HMCN1: variants seen among roughly 807,000 people sequenced by gnomAD.
HMCN1 encodes the protein hemicentin 1.
In HMCN1, 321 loss-of-function variants were observed where a neutral mutation model predicts 625.9. That is an observed-to-expected ratio of 0.51 (90% CI 0.47 to 0.56). HMCN1 has a LOEUF of 0.56. Ranked by LOEUF, HMCN1 falls within the 20% of genes least tolerant of loss-of-function variation. The pLI, the probability that HMCN1 is intolerant of heterozygous loss-of-function variation, is 0.00. For synonymous variants in HMCN1, 2,425 were observed against 2,417.6 expected, an observed-to-expected ratio of 1.00 and a Z score of -0.09; for missense variants, 6,588 against 6,887.3, an observed-to-expected ratio of 0.96 and a Z score of 1.54.
chr1:185,899,640 A>T (rs1665691398), intron 4 of HMCN1, among the ~76,000 whole-genome samples: 1 of 152,154 alleles, frequency 6.6e-6, no homozygotes, highest in Non-Finnish European at 1.5e-5. Context: ...TCTTTTGCTG[A>T]GACTTCTCTC....
At chr1:186,051,111 A>G (rs1012810283) in intron 42 of HMCN1, among the ~76,000 whole-genome samples, 6 of 151,968 alleles carry the variant, frequency 3.9e-5, no homozygotes, top group Non-Finnish European at 5.9e-5. Flanking sequence ...GAGAGAGGAG[A>G]TGGTAGATAA....
At chr1:185,756,215 G>A (rs1655124274) in intron 1 of HMCN1, among the ~76,000 whole-genome samples, 1 of 152,146 alleles carries the variant, frequency 6.6e-6, no homozygotes. Context: ...AGAGACAGTT[G>A]TTAAAGGCTG....
At chr1:185,799,018 A>C (rs1382107020) in intron 1 of HMCN1, among the ~76,000 whole-genome samples, 1 of 152,098 alleles carries the variant, frequency 6.6e-6, no homozygotes, top group Non-Finnish European at 1.5e-5. Context: ...TTGGAATTTA[A>C]TTTCATTTGG....
chr1:186,049,639 A>G (rs1423831506), intron 42 of HMCN1, among the ~76,000 whole-genome samples: 1 of 151,922 alleles, frequency 6.6e-6, no homozygotes, highest in East Asian at 1.9e-4. Flanking sequence ...ATAACTTAAT[A>G]AGCCCTCTTC....
chr1:185,858,987 A>G (rs1662685422), intron 2 of HMCN1, among the ~76,000 whole-genome samples: 1 of 151,630 alleles, frequency 6.6e-6, no homozygotes, highest in Non-Finnish European at 1.5e-5. Flanking sequence ...ATGATTTGAG[A>G]GAAACACTAT....
At chr1:186,181,026 AC>A (rs1393144008) in intron 104 of HMCN1, among the ~76,000 whole-genome samples, 1 of 152,198 alleles carries the variant, frequency 6.6e-6, no homozygotes, top group Non-Finnish European at 1.5e-5. Context: ...CTAAAGCATA[AC>A]AGGAAAAATG....
chr1:185,997,511 A>T lies in HMCN1; in HGVS notation c.3861A>T (p.Pro1287=). Residue 1287 remains proline, a synonymous_variant, in exon 25 of 107, where the codon CCA becomes CCT. Coordinates refer to ENST00000271588, the MANE Select transcript of HMCN1 (RefSeq NM_031935.3). ...ERVANQRIEF[P]CPAKGTPKPT... ...TGGCCAATCAACGCATTGAATTTCC[A>T]TGTCCTGCAAAAGGTACGTAATACT... The T allele has an allele frequency of 6.2e-7, 1 of 1,607,378 alleles. No homozygotes were observed. Among genetic ancestry groups the T allele is most frequent in the Non-Finnish European group, 8.5e-7 (1 of 1,174,374 alleles).
rs1663135461 is a variant in HMCN1, at chr1:185,865,627, A to ACATT, written c.499-112_499-111insTTCA. On this transcript the variant is annotated intron_variant, in intron 3 of 106. Transcript: ENST00000271588. ...CACACACACACACACACACACACAC[A>ACATT]CACATTCACATATTCTACTTGCCCA... 4.0e-6 allele frequency: 3 copies of ACATT among 752,880 alleles called. No homozygotes were observed. The East Asian group carries it at 8.2e-5, about 21-fold the overall frequency. 46.6% of individuals were successfully genotyped at this position (752,880 alleles called of 1,614,324 possible).
intron 99 of HMCN1, 94 bp from the exon 100 acceptor site, chr1:186,166,714 G>C: frequency 6.4e-7 from 1 of 1,564,014 alleles, no homozygotes; most frequent in Admixed American, 1.7e-5. Flanking sequence ...AGTTTCAAGG[G>C]TCCTTCACTG....
At chr1:185,769,396 A>G (rs960385421) in intron 1 of HMCN1, among the ~76,000 whole-genome samples, 3 of 152,144 alleles carry the variant, frequency 2.0e-5, no homozygotes. Context: ...GCAGTGAGCC[A>G]TGACTGTGCC....
intron 1 of HMCN1, among the ~76,000 whole-genome samples, chr1:185,828,402 A>G (rs1660653644): frequency 6.6e-6 from 1 of 152,188 alleles, no homozygotes; most frequent in African/African-American, 2.4e-5. Flanking sequence ...TAAAGCAGTG[A>G]AATGTATCTA....
rs765681349 is a variant in HMCN1 at position 186,045,869 on chromosome 1, GA to G, written c.6480+7del. The G allele has an allele frequency of 6.3e-7, 1 of 1,593,972 alleles. No individual in the cohort carries two copies. Reference sequence around the variant, plus strand: ...AAAATAGAAGTGTGTTAAAGGTAAGGATATGGATTCATTTATTTTACCTTAT... The same window carrying G: ...AAAATAGAAGTGTGTTAAAGGTAAGGTATGGATTCATTTATTTTACCTTAT... On this transcript the variant is annotated splice_region_variant and intron_variant, in intron 41 of 106. Coordinates refer to ENST00000271588, the MANE Select transcript of HMCN1 (RefSeq NM_031935.3).
chr1:185,813,080 A>C (rs1386477923), intron 1 of HMCN1, among the ~76,000 whole-genome samples: 1 of 152,130 alleles, frequency 6.6e-6, no homozygotes, highest in African/African-American at 2.4e-5. Context: ...CTGCACTGTA[A>C]ATTCCATGTC....
rs561512039 is a variant in HMCN1, at chr1:185,916,506, A to T, written c.900+4726A>T. 9.8e-5 allele frequency among the ~76,000 whole-genome samples: 15 copies of T among 152,310 alleles called. No homozygotes were observed. The South Asian group carries it at 3.1e-3, about 32-fold the overall frequency. On this transcript the variant is annotated intron_variant, in intron 6 of 106. Coordinates refer to ENST00000271588, the MANE Select transcript of HMCN1 (RefSeq NM_031935.3). ...TGTTACTAAAAATGTTGACGCATGA[A>T]TTCTGACACAGGTTAATTAGTTGTT...
At chr1:185,910,136 A>T (rs1558058211) in intron 5 of HMCN1, among the ~76,000 whole-genome samples, 1 of 152,128 alleles carries the variant, frequency 6.6e-6, no homozygotes, top group Non-Finnish European at 1.5e-5. Context: ...TTCATTTAGA[A>T]ATATTTTTTA....
intron 95 of HMCN1, 38 bp from the exon 96 acceptor site, chr1:186,152,712 T>G (rs1308271197): frequency 6.2e-7 from 1 of 1,609,788 alleles, no homozygotes; most frequent in Non-Finnish European, 8.5e-7. Context: ...AGAAACCATA[T>G]TTTTTTGCTG....
At position 186,025,829 on chromosome 1, in the gene HMCN1, CTCAA is replaced by C. The variant is rs371061530; in HGVS notation, c.5749+2680_5749+2683del. On this transcript the variant is annotated intron_variant, in intron 36 of 106. Transcript: ENST00000271588. ...CATTTTAAGAGCTTATTAAAAATTG[CTCAA>C]TCAGAGGGAGAATATAAAACTATCT... Among the ~76,000 whole-genome samples the C allele has an allele frequency of 5.6e-3, 851 of 152,232 alleles. 8 individuals are homozygous for C. The highest frequency in any genetic ancestry group is 0.019 in the African/African-American group (792 of 41,550).
intron 4 of HMCN1, among the ~76,000 whole-genome samples, chr1:185,902,379 CTCTATCTA>C (rs557542346): frequency 1.3e-5 from 2 of 149,164 alleles, no homozygotes; most frequent in Non-Finnish European, 1.5e-5. Flanking sequence ...TGTGCTATGT[CTCTATCTA>C]TCTATCTATC....
intron 36 of HMCN1, among the ~76,000 whole-genome samples, chr1:186,029,816 T>C (rs1335029936): frequency 6.6e-6 from 1 of 152,020 alleles, no homozygotes; most frequent in African/African-American, 2.4e-5. Flanking sequence ...TAAGGTAGAA[T>C]GTTAGGTTAT....
Sources: allele counts gnomAD v4.1 joint callset (sites outside exome capture counted in the v4.1 genomes callset), GRCh38; gene constraint gnomAD v4.1.1; transcripts MANE v1.5; gene names NCBI Gene and HGNC (gene_info 2026-07-23, HGNC 2026-07-21).